Variants in MEOX2 observed in about 807,000 individuals in gnomAD.
The protein encoded by MEOX2 is homeobox protein MOX-2.
In MEOX2, 11 loss-of-function variants were observed where a neutral mutation model predicts 27.0. The observed-to-expected ratio is 0.41, with a 90% CI of 0.26 to 0.68. MEOX2 has a LOEUF of 0.68. Ranked by LOEUF, MEOX2 falls within the 30% of genes least tolerant of loss-of-function variation. The probability of loss-of-function intolerance (pLI) is 0.33; values close to 1 mark genes in which losing one functional copy is unlikely to be tolerated. For missense variants in MEOX2, 436 were observed against 385.4 expected, an observed-to-expected ratio of 1.13 and a Z score of -1.10; for synonymous variants, 189 against 155.4, an observed-to-expected ratio of 1.22 and a Z score of -1.61.
intron 1 of MEOX2, among the ~76,000 whole-genome samples, chr7:15,645,558 A>G (rs76316724): frequency 0.018 from 2,734 of 152,278 alleles, 94 homozygotes; most frequent in African/African-American, 0.064. Context: ...ATATTTCTAC[A>G]TTGAAATTAC....
chr7:15,675,794 T>A (rs938172937), intron 1 of MEOX2, among the ~76,000 whole-genome samples: 1 of 152,224 alleles, frequency 6.6e-6, no homozygotes, highest in Non-Finnish European at 1.5e-5. Context: ...TGGACCCTTC[T>A]TGTCCCTGCT....
intron 1 of MEOX2, 150 bp from the exon 2 acceptor site, chr7:15,627,068 T>C: frequency 1.6e-6 from 1 of 610,830 alleles, no homozygotes; most frequent in Non-Finnish European, 2.8e-6. Flanking sequence ...TGACGGCAGC[T>C]CAACGGGGGG....
chr7:15,674,120 T>C (rs1782154918), intron 1 of MEOX2, among the ~76,000 whole-genome samples: 1 of 152,180 alleles, frequency 6.6e-6, no homozygotes, highest in East Asian at 1.9e-4. Flanking sequence ...TAACATATTA[T>C]TGATTGACAT....
At chr7:15,677,963 G>T (rs1168684382) in intron 1 of MEOX2, among the ~76,000 whole-genome samples, 2 of 152,092 alleles carry the variant, frequency 1.3e-5, no homozygotes, top group African/African-American at 4.8e-5. Flanking sequence ...TCTACTTCCA[G>T]GAGCAAAGAA....
intron 1 of MEOX2, among the ~76,000 whole-genome samples, chr7:15,683,076 G>T (rs1388016275): frequency 6.6e-5 from 10 of 151,940 alleles, no homozygotes; most frequent in Admixed American, 3.3e-4. Context: ...GAGGGAAAGT[G>T]CATAAAATAT....
intron 1 of MEOX2, chr7:15,679,117 T>C (rs1782252109): frequency 6.6e-6 from 1 of 152,154 alleles, no homozygotes; most frequent in Non-Finnish European, 1.5e-5. Context: ...ATGCATTTAA[T>C]AAGGATGCTC....
At chr7:15,668,922 C>T (rs1404142869) in intron 1 of MEOX2, among the ~76,000 whole-genome samples, 1 of 152,176 alleles carries the variant, frequency 6.6e-6, no homozygotes, top group East Asian at 1.9e-4. Context: ...AATAGGGATG[C>T]TATACATACG....
rs759113184 is a variant in MEOX2, at chr7:15,686,163, ATGGTGGTGATGG to A, written c.228_239del (p.His77_His80del). 1.9e-5 allele frequency: 29 copies of A among 1,519,892 alleles called. No homozygotes were observed. Among genetic ancestry groups the A allele is most frequent in the East Asian group, 1.5e-4 (6 of 41,024 alleles). The allele number at this position is 1,519,892 out of a possible 1,614,324, so 94.2% of individuals were successfully genotyped here. A position where few individuals can be genotyped will look rare whatever the true frequency, so the allele number is the denominator to read the frequency against. On this transcript the variant is annotated inframe_deletion, in exon 1 of 3. Coordinates refer to ENST00000262041, the MANE Select transcript of MEOX2 (RefSeq NM_005924.5). ...GCAGAGCCTGGTGCTGCTGCTGCTG[ATGGTGGTGATGG>A]TGGTGGTGGTGGTGGTGGTGGTGGT... is the stretch of plus-strand genomic sequence containing the variant.
chr7:15,622,282 T>C lies in MEOX2; in HGVS notation c.690+4464A>G, dbSNP rs557990459. On this transcript the variant is annotated intron_variant, in intron 2 of 2. Transcript: ENST00000262041. ...ACACATACATATATATCTGTGTATA[T>C]GTGTGTGTATGTGTTTGCATATGTG... Among the ~76,000 whole-genome samples the C allele has an allele frequency of 7.2e-5, 11 of 152,274 alleles. No individual in the cohort carries two copies. The East Asian group carries it at 2.1e-3, about 29-fold the overall frequency.
At chr7:15,669,125 C>T (rs1583785062) in intron 1 of MEOX2, among the ~76,000 whole-genome samples, 1 of 152,278 alleles carries the variant, frequency 6.6e-6, no homozygotes, top group East Asian at 1.9e-4. Context: ...ACACCAATAT[C>T]GTACGAGTAA....
Position 15,686,536 on chromosome 7 carries a change from G to C in MEOX2, c.-134C>G, listed in dbSNP as rs1782390275. ...AAAGCAATAGCGGTGCACTTCTGCA[G>C]AGCTCGGATAATCCCGGTCCTGAGC... On this transcript the variant is annotated 5_prime_UTR_variant, in exon 1 of 3. Coordinates refer to ENST00000262041, the MANE Select transcript of MEOX2 (RefSeq NM_005924.5). 1 of 797,388 alleles carries C rather than the reference G, an allele frequency of 1.3e-6. No homozygotes were observed. The highest frequency in any genetic ancestry group is 2.7e-5 in the East Asian group (1 of 37,226). The allele number at this position is 797,388 out of a possible 1,614,324, so 49.4% of individuals were successfully genotyped here.
chr7:15,643,757 T>G (rs1781599189), intron 1 of MEOX2, among the ~76,000 whole-genome samples: 1 of 152,168 alleles, frequency 6.6e-6, no homozygotes, highest in Non-Finnish European at 1.5e-5. Context: ...TGCCACACTC[T>G]TCTCTGTTTT....
In MEOX2 at chr7:15,620,820, T is replaced by C. The variant is rs144761925; in HGVS notation, c.690+5926A>G. 4.8e-3 allele frequency among the ~76,000 whole-genome samples: 727 copies of C among 152,342 alleles called. 6 individuals carry two copies. Among genetic ancestry groups the C allele is most frequent in the African/African-American group, 0.016 (680 of 41,584 alleles). On this transcript the variant is annotated intron_variant, in intron 2 of 2. Transcript: ENST00000262041. ...GCAGAAGTATCATTAATTTAGTCTG[T>C]TTATTCCAGTAATCTTAACTAGTTT...
At chr7:15,630,285 G>A (rs1781381765) in intron 1 of MEOX2, among the ~76,000 whole-genome samples, 1 of 152,014 alleles carries the variant, frequency 6.6e-6, no homozygotes, top group African/African-American at 2.4e-5. Flanking sequence ...TGCCCTCCAA[G>A]GATCATTTCT....
chr7:15,632,272 T>C (rs943689026), intron 1 of MEOX2, among the ~76,000 whole-genome samples: 3 of 151,820 alleles, frequency 2.0e-5, no homozygotes, highest in Non-Finnish European at 4.4e-5. Flanking sequence ...AGGTGCATAG[T>C]ACATAACTCA....
chr7:15,635,416 C>T (rs1781465630), intron 1 of MEOX2, among the ~76,000 whole-genome samples: 1 of 151,954 alleles, frequency 6.6e-6, no homozygotes, highest in African/African-American at 2.4e-5. Context: ...ATTCCAAATA[C>T]ACAGATATTA....
intron 1 of MEOX2, among the ~76,000 whole-genome samples, chr7:15,634,773 C>T (rs757415925): frequency 1.3e-5 from 2 of 151,896 alleles, no homozygotes; most frequent in Non-Finnish European, 2.9e-5. Context: ...AAGCCAATGA[C>T]GAGATTATTT....
intron 1 of MEOX2, among the ~76,000 whole-genome samples, chr7:15,670,617 A>G (rs945974612): frequency 6.6e-6 from 1 of 152,212 alleles, no homozygotes; most frequent in Non-Finnish European, 1.5e-5. Context: ...GTGGAGCCAA[A>G]CAATTGAATT....
At chr7:15,674,604 G>C (rs992152935) in intron 1 of MEOX2, among the ~76,000 whole-genome samples, 1 of 151,444 alleles carries the variant, frequency 6.6e-6, no homozygotes, top group Admixed American at 6.6e-5. Flanking sequence ...AAATGGTGTT[G>C]TCTTTAGAAA....
Sources: allele counts gnomAD v4.1 joint callset (sites outside exome capture counted in the v4.1 genomes callset), GRCh38; gene constraint gnomAD v4.1.1; transcripts MANE v1.5; gene names NCBI Gene and HGNC (gene_info 2026-07-23, HGNC 2026-07-21).